The following ANK2 variants were observed in gnomAD, a reference collection of about 807,000 sequenced individuals.
ANK2 encodes the protein ankyrin-2.
Under a neutral mutation model 360.5 loss-of-function variants are expected in ANK2, and 83 were observed. The observed-to-expected ratio is 0.23, with a 90% CI of 0.19 to 0.28. The LOEUF (loss-of-function observed/expected upper bound fraction) is 0.28, where lower values mean the gene tolerates loss of function less well. Among genes scored for constraint, ANK2 ranks in the 10% least tolerant of loss-of-function variants. The pLI is 1.00. For synonymous variants in ANK2, 1,740 were observed against 1,759.5 expected (o/e 0.99, Z 0.28); for missense variants, 4,201 against 4,795.7 (o/e 0.88, Z 3.66).
At chr4:112,973,711 G>A (rs768562786) in intron 2 of ANK2, among the ~76,000 whole-genome samples, 1 of 152,178 alleles carries the variant, frequency 6.6e-6, no homozygotes, top group Non-Finnish European at 1.5e-5. Flanking sequence ...GCCACTTCTA[G>A]CTATTGTTTC....
At chr4:112,892,561 G>A (rs1259488905) in intron 1 of ANK2, among the ~76,000 whole-genome samples, 2 of 152,194 alleles carry the variant, frequency 1.3e-5, no homozygotes, top group East Asian at 1.9e-4. Flanking sequence ...GAAGTAAAGT[G>A]TTTGAAAGCT....
chr4:112,732,282 C>T, the ANK2 span, among the ~76,000 whole-genome samples: 2 of 146,584 alleles, frequency 1.4e-5, no homozygotes, highest in Non-Finnish European at 3.0e-5. Flanking sequence ...CAGGGTCTGG[C>T]CCTGTTGCCC....
At chr4:113,167,677 A>G (rs1014181426) in intron 1 of ANK2, among the ~76,000 whole-genome samples, 1 of 152,188 alleles carries the variant, frequency 6.6e-6, no homozygotes, top group Non-Finnish European at 1.5e-5. Context: ...ATAAATGCTC[A>G]TCTTGATATG....
chr4:112,896,054 C>T (rs548102112), intron 1 of ANK2, among the ~76,000 whole-genome samples: 1 of 152,336 alleles, frequency 6.6e-6, no homozygotes, highest in East Asian at 1.9e-4. Context: ...CACCCTACTG[C>T]TTCAGTTCCA....
At chr4:113,147,790 A>G (rs1001999034) in intron 1 of ANK2, among the ~76,000 whole-genome samples, 7 of 152,220 alleles carry the variant, frequency 4.6e-5, no homozygotes, top group Non-Finnish European at 7.3e-5. Context: ...TAAATCCTTA[A>G]AGGACCAAAG....
At chr4:113,146,253 A>G (rs2171057) in intron 1 of ANK2, among the ~76,000 whole-genome samples, 107,702 of 152,124 alleles carry the variant, frequency 0.71, 38,459 homozygotes, top group African/African-American at 0.76. Flanking sequence ...GAGCAATGAC[A>G]CTGTCTCTTT....
the ANK2 span, among the ~76,000 whole-genome samples, chr4:112,772,389 C>G: frequency 6.6e-6 from 1 of 152,186 alleles, no homozygotes; most frequent in African/African-American, 2.4e-5. Context: ...CACCAGGTCC[C>G]TCTCACAACA....
intron 2 of ANK2, among the ~76,000 whole-genome samples, chr4:112,931,303 A>G (rs1193260857): frequency 1.3e-5 from 2 of 152,144 alleles, no homozygotes; most frequent in Non-Finnish European, 2.9e-5. Flanking sequence ...TCTTCTTCTC[A>G]ATCCCATTTT....
intron 2 of ANK2, among the ~76,000 whole-genome samples, chr4:112,999,659 T>A (rs1159818397): frequency 7.0e-6 from 1 of 142,504 alleles, no homozygotes; most frequent in African/African-American, 2.7e-5. Context: ...CTCCTCCTCC[T>A]TAAAAAAAAA....
At chr4:113,297,319 C>G (rs1000815882) in intron 22 of ANK2, among the ~76,000 whole-genome samples, 1 of 152,144 alleles carries the variant, frequency 6.6e-6, no homozygotes, top group Non-Finnish European at 1.5e-5. Context: ...AAAAGACATA[C>G]TTAGTGCAGA....
At chr4:112,743,908 A>C in the ANK2 span, among the ~76,000 whole-genome samples, 1 of 150,292 alleles carries the variant, frequency 6.7e-6, no homozygotes, top group Non-Finnish European at 1.5e-5. Context: ...AGCTCACTAC[A>C]ACCTCTGCCT....
At position 113,123,723 on chromosome 4, in the gene ANK2, T is replaced by C. The variant is rs545537796; in HGVS notation, c.85-50693T>C. Among the ~76,000 whole-genome samples the C allele has an allele frequency of 2.0e-5, 3 of 152,234 alleles. No homozygotes were observed. In the South Asian group the frequency reaches 6.2e-4, roughly 32 times the overall value. On this transcript the variant is annotated intron_variant, in intron 1 of 45. Coordinates refer to ENST00000357077, the MANE Select transcript of ANK2 (RefSeq NM_001148.6). Reference sequence around the variant, plus strand: ...GTAGACTGGAAGGGAAAAGAGACCATAATCCATATATTTTTAAAGCTCCCT... The same window carrying C: ...GTAGACTGGAAGGGAAAAGAGACCACAATCCATATATTTTTAAAGCTCCCT...
chr4:112,810,660 T>C, the ANK2 span, among the ~76,000 whole-genome samples: 1 of 152,084 alleles, frequency 6.6e-6, no homozygotes, highest in Non-Finnish European at 1.5e-5. Context: ...TAAGCAATTC[T>C]CCTGCCTCAG....
At chr4:112,931,924 G>A (rs1244323421) in intron 2 of ANK2, among the ~76,000 whole-genome samples, 2 of 152,144 alleles carry the variant, frequency 1.3e-5, no homozygotes, top group African/African-American at 4.8e-5. Context: ...GAGAATTGCT[G>A]TTTAATAGAA....
intron 7 of ANK2, 27 bp from the exon 8 acceptor site, chr4:113,240,458 C>T: frequency 6.4e-7 from 1 of 1,556,932 alleles, no homozygotes; most frequent in Non-Finnish European, 8.9e-7. Flanking sequence ...AAGCGCTATA[C>T]TGACTGTCAT....
intron 1 of ANK2, among the ~76,000 whole-genome samples, chr4:113,129,081 AC>A (rs2095847679): frequency 6.6e-6 from 1 of 152,232 alleles, no homozygotes; most frequent in African/African-American, 2.4e-5. Context: ...AATCTGAGCA[AC>A]AAAATAACTA....
At chr4:113,275,255 T>A (rs2059815448) in intron 15 of ANK2, among the ~76,000 whole-genome samples, 1 of 152,208 alleles carries the variant, frequency 6.6e-6, no homozygotes, top group South Asian at 2.1e-4. Context: ...GAATTTTACT[T>A]ATGTTCCAAG....
At chr4:113,134,652 G>T (rs1005748740) in intron 1 of ANK2, among the ~76,000 whole-genome samples, 2 of 151,866 alleles carry the variant, frequency 1.3e-5, no homozygotes, top group Non-Finnish European at 2.9e-5. Flanking sequence ...AATAGAAAAG[G>T]CATATTTCAG....
chr4:112,822,100 A>G (rs2057229059), intron 1 of ANK2, among the ~76,000 whole-genome samples: 1 of 152,150 alleles, frequency 6.6e-6, no homozygotes, highest in African/African-American at 2.4e-5. Context: ...TCATGGTGAC[A>G]TATTTAAAAA....
Sources: gnomAD v4.1 joint callset for allele counts (sites outside exome capture counted in the v4.1 genomes callset) on GRCh38, gnomAD v4.1.1 for gene constraint, MANE v1.5 for transcripts, NCBI Gene and HGNC (gene_info 2026-07-23, HGNC 2026-07-21) for gene names.